Variants in PDZRN3 observed in about 807,000 individuals in gnomAD.
The protein encoded by PDZRN3 is PDZ domain containing ring finger 3, also known as E3 ubiquitin-protein ligase PDZRN3.
Under a neutral mutation model 85.7 loss-of-function variants are expected in PDZRN3, and 38 were observed. The observed-to-expected ratio is 0.44, with a 90% CI of 0.34 to 0.58. The LOEUF (loss-of-function observed/expected upper bound fraction) is 0.58, where lower values mean the gene tolerates loss of function less well. Among genes scored for constraint, PDZRN3 ranks in the 20% least tolerant of loss-of-function variants. The pLI is 0.01. For synonymous variants in PDZRN3, 759 were observed against 638.0 expected (o/e 1.19, Z -2.86); for missense variants, 1,629 against 1,506.4 (o/e 1.08, Z -1.35).
chr3:73,391,024 G>A lies in PDZRN3; in HGVS notation c.1347C>T (p.Ile449=). The A allele has an allele frequency of 6.2e-7, 1 of 1,607,920 alleles. No individual in the cohort carries two copies. The highest frequency in any genetic ancestry group is 8.5e-7 in the Non-Finnish European group (1 of 1,174,598). ...TDDEDDIGIY[I]SEIDPNSIAA... is the part of the protein sequence containing the mutation. ...ACAAAATCAGCCTTTGTACCTCACT[G>A]ATATAAATCCCAATGTCGTCTTCAT... is the stretch of plus-strand genomic sequence containing the variant. The change falls in exon 6 of 10, where the codon ATC becomes ATT. Residue 449 remains isoleucine, a synonymous_variant. Coordinates refer to ENST00000263666, the MANE Select transcript of PDZRN3 (RefSeq NM_015009.3).
chr3:73,575,106 C>G (rs945398519), intron 3 of PDZRN3, among the ~76,000 whole-genome samples: 4 of 152,192 alleles, frequency 2.6e-5, no homozygotes, highest in South Asian at 2.1e-4. Context: ...ATTAGTATTT[C>G]TGTAATTCAA....
chr3:73,541,382 G>T (rs1704918404), intron 3 of PDZRN3, among the ~76,000 whole-genome samples: 1 of 152,154 alleles, frequency 6.6e-6, no homozygotes, highest in African/African-American at 2.4e-5. Flanking sequence ...TCAGACAGTG[G>T]TCTAAATTCT....
chr3:73,584,272 T>A (rs188623099), intron 3 of PDZRN3, among the ~76,000 whole-genome samples: 203 of 152,020 alleles, frequency 1.3e-3, no homozygotes, highest in African/African-American at 4.7e-3. Context: ...GGCACAGGGG[T>A]TAAGTTAGGA....
intron 3 of PDZRN3, among the ~76,000 whole-genome samples, chr3:73,409,898 T>C (rs1380820204): frequency 6.6e-6 from 1 of 152,238 alleles, no homozygotes; most frequent in East Asian, 1.9e-4. Context: ...ATTTGCTTTC[T>C]GAGGTTCAGC....
intron 1 of PDZRN3, 117 bp downstream of exon 1, chr3:73,623,986 G>A (rs987572727): frequency 5.0e-5 from 52 of 1,030,424 alleles, no homozygotes; most frequent in South Asian, 4.0e-4. Flanking sequence ...GAAGAAGAGG[G>A]AGGAAGCAAG....
At chr3:73,459,493 C>CT (rs553622209) in intron 3 of PDZRN3, among the ~76,000 whole-genome samples, 44 of 152,164 alleles carry the variant, frequency 2.9e-4, no homozygotes, top group African/African-American at 9.6e-4. Context: ...TTCTGCTCTT[C>CT]TCCTTCCTTC....
chr3:73,523,541 G>A (rs1051960651), intron 3 of PDZRN3, among the ~76,000 whole-genome samples: 5 of 151,994 alleles, frequency 3.3e-5, no homozygotes, highest in African/African-American at 9.7e-5. Context: ...CAAAAGCACT[G>A]TATAGGGATT....
In PDZRN3 at chr3:73,492,489, G is replaced by A. The variant is rs181106412; in HGVS notation, c.919-88094C>T. Among the ~76,000 whole-genome samples, 40 of 152,338 alleles carry A rather than the reference G, an allele frequency of 2.6e-4. No individual in the cohort carries two copies. The East Asian group carries it at 7.5e-3, about 29-fold the overall frequency. ...GACTTAACAATTATCCAAAGCACAC[G>A]TGAAGGGTATTCATTGGATGTCTGG... is the stretch of plus-strand genomic sequence containing the variant. On this transcript the variant is annotated intron_variant, in intron 3 of 9. Transcript: ENST00000263666.
intron 4 of PDZRN3, among the ~76,000 whole-genome samples, chr3:73,402,966 C>T (rs1348090423): frequency 2.3e-4 from 25 of 107,780 alleles, no homozygotes; most frequent in African/African-American, 1.0e-3. Flanking sequence ...TTTTTTGAGA[C>T]GGAGTCTCGC....
rs866700106 is a variant in PDZRN3, at chr3:73,528,910, A to G, written c.918+73444T>C. Among the ~76,000 whole-genome samples, 6 of 151,860 alleles carry G rather than the reference A, an allele frequency of 4.0e-5. 1 individual carries two copies. The South Asian group carries it at 1.3e-3, about 32-fold the overall frequency. On this transcript the variant is annotated intron_variant, in intron 3 of 9. Coordinates refer to ENST00000263666, the MANE Select transcript of PDZRN3 (RefSeq NM_015009.3). ...AACACACACACACACACACACACAC[A>G]CACACACGCACATGCACACACAGAG...
At chr3:73,576,565 C>T (rs576015808) in intron 3 of PDZRN3, among the ~76,000 whole-genome samples, 1 of 152,280 alleles carries the variant, frequency 6.6e-6, no homozygotes, top group South Asian at 2.1e-4. Context: ...CAGGGTGATG[C>T]AAGTAGAATT....
intron 3 of PDZRN3, among the ~76,000 whole-genome samples, chr3:73,440,674 T>C (rs1164675181): frequency 6.6e-6 from 1 of 152,174 alleles, no homozygotes; most frequent in Non-Finnish European, 1.5e-5. Context: ...GAAATGCCTA[T>C]GACAACACCC....
At chr3:73,404,827 T>G (rs1701821818) in intron 3 of PDZRN3, among the ~76,000 whole-genome samples, 1 of 152,246 alleles carries the variant, frequency 6.6e-6, no homozygotes, top group South Asian at 2.1e-4. Flanking sequence ...ATGGAAGTAA[T>G]ATGAAGTTTC....
At chr3:73,450,895 AT>A (rs1423043621) in intron 3 of PDZRN3, among the ~76,000 whole-genome samples, 1 of 151,968 alleles carries the variant, frequency 6.6e-6, no homozygotes, top group Non-Finnish European at 1.5e-5. Context: ...GCTGATAATT[AT>A]TCTAGGATGA....
chr3:73,550,901 A>G (rs1701537266), intron 3 of PDZRN3, among the ~76,000 whole-genome samples: 1 of 152,260 alleles, frequency 6.6e-6, no homozygotes, highest in Non-Finnish European at 1.5e-5. Flanking sequence ...TCTGCCCTGG[A>G]GAAGCAGAAT....
chr3:73,432,069 C>G (rs1387993850), intron 3 of PDZRN3, among the ~76,000 whole-genome samples: 1 of 152,152 alleles, frequency 6.6e-6, no homozygotes, highest in Non-Finnish European at 1.5e-5. Flanking sequence ...TAAAAACTAC[C>G]TTTTGACTTA....
intron 3 of PDZRN3, among the ~76,000 whole-genome samples, chr3:73,468,624 T>C (rs528163513): frequency 6.6e-6 from 1 of 152,288 alleles, no homozygotes; most frequent in African/African-American, 2.4e-5. Flanking sequence ...AAAGGCATCA[T>C]TACCATGGTG....
intron 3 of PDZRN3, among the ~76,000 whole-genome samples, chr3:73,437,715 AT>A (rs969969562): frequency 1.4e-4 from 21 of 151,058 alleles, no homozygotes; most frequent in South Asian, 1.3e-3. Flanking sequence ...TACCAAAGTG[AT>A]TTTTTTTTTC....
intron 3 of PDZRN3, among the ~76,000 whole-genome samples, chr3:73,447,013 C>A (rs904074144): frequency 2.0e-5 from 3 of 146,706 alleles, no homozygotes; most frequent in Non-Finnish European, 4.5e-5. Context: ...GTGAGCTGAA[C>A]CTTCCCTGCT....
Sources: allele counts gnomAD v4.1 joint callset (sites outside exome capture counted in the v4.1 genomes callset), GRCh38; gene constraint gnomAD v4.1.1; transcripts MANE v1.5; gene names NCBI Gene and HGNC (gene_info 2026-07-23, HGNC 2026-07-21).